Variants in C3orf33 observed in about 807,000 individuals in gnomAD.
C3orf33 encodes AP-1 activity suppressor.
C3orf33 carries 23 observed loss-of-function variants against 28.7 expected under a neutral mutation model. The observed-to-expected ratio is 0.80, with a 90% CI of 0.58 to 1.13. The LOEUF is 1.13. C3orf33 is among the 50% of genes most tolerant of loss of function. C3orf33 has a pLI of 0.00. For synonymous variants in C3orf33, 119 were observed against 120.5 expected (o/e 0.99, Z 0.08); for missense variants, 327 against 353.4 (o/e 0.93, Z 0.60).
intron 2 of C3orf33, among the ~76,000 whole-genome samples, chr3:155,801,954 G>A (rs893961368): frequency 6.6e-6 from 1 of 152,120 alleles, no homozygotes; most frequent in Non-Finnish European, 1.5e-5. Context: ...GTTTCATCAT[G>A]TTGGCCAGGC....
At chr3:155,774,036 G>A (rs906498025) in intron 3 of C3orf33, among the ~76,000 whole-genome samples, 13 of 152,138 alleles carry the variant, frequency 8.5e-5, no homozygotes, top group African/African-American at 2.2e-4. Flanking sequence ...AGTGATATTC[G>A]TTCAACTCGG....
At chr3:155,800,769 G>C (rs1169464403) in intron 2 of C3orf33, among the ~76,000 whole-genome samples, 1 of 151,392 alleles carries the variant, frequency 6.6e-6, no homozygotes, top group South Asian at 2.1e-4. Flanking sequence ...AGGGGCAAAA[G>C]AGCTGAACAG....
chr3:155,794,507 T>A (rs866637747), intron 2 of C3orf33, among the ~76,000 whole-genome samples: 26 of 149,748 alleles, frequency 1.7e-4, no homozygotes, highest in Non-Finnish European at 2.7e-4. Context: ...AAAAAAAAAA[T>A]TTTTTAATGA....
chr3:155,792,508 T>G (rs1751345403), intron 2 of C3orf33, among the ~76,000 whole-genome samples: 1 of 152,132 alleles, frequency 6.6e-6, no homozygotes, highest in African/African-American at 2.4e-5. Flanking sequence ...TCACCAATCC[T>G]GCAGAGACAG....
chr3:155,785,264 G>C, intron 2 of C3orf33, among the ~76,000 whole-genome samples: 1 of 152,066 alleles, frequency 6.6e-6, no homozygotes, highest in East Asian at 1.9e-4. Flanking sequence ...TGCAATAACA[G>C]AGACAACACC....
At chr3:155,788,203 G>T (rs1337964485) in intron 2 of C3orf33, among the ~76,000 whole-genome samples, 1 of 128,426 alleles carries the variant, frequency 7.8e-6, no homozygotes, top group Non-Finnish European at 1.8e-5. Flanking sequence ...AAAAAAAAAG[G>T]ATAAAATAAA....
chr3:155,801,235 C>T (rs550452063), intron 2 of C3orf33, among the ~76,000 whole-genome samples: 2 of 150,084 alleles, frequency 1.3e-5, no homozygotes, highest in African/African-American at 2.5e-5. Context: ...TGCTTGAACC[C>T]AGGAGGTGGA....
chr3:155,773,982 G>A (rs188378704), intron 3 of C3orf33, among the ~76,000 whole-genome samples: 12 of 152,096 alleles, frequency 7.9e-5, no homozygotes, highest in Admixed American at 2.0e-4. Flanking sequence ...TGTTTGGGGG[G>A]GAAAATCAAT....
In C3orf33 at chr3:155,804,124, CG is replaced by C. The variant is rs1751747437; in HGVS notation, c.115-1534del. 6 of 375,762 alleles carry C rather than the reference CG, an allele frequency of 1.6e-5. No individual in the cohort carries two copies. In the Admixed American group the frequency reaches 2.1e-4, roughly 13 times the overall value. The allele number at this position is 375,762 out of a possible 1,614,324, so 23.3% of individuals were successfully genotyped here. ...CTGGGAGGCAGAGGTTGCAGTGAGC[CG>C]AGATCACACCATTGCACTCCAGCCT... On this transcript the variant is annotated intron_variant, in intron 1 of 4. Transcript: ENST00000340171.
intron 2 of C3orf33, among the ~76,000 whole-genome samples, chr3:155,780,058 G>C (rs113888915): frequency 0.024 from 3,638 of 152,336 alleles, 139 homozygotes; most frequent in African/African-American, 0.083. Flanking sequence ...CAGAATATAA[G>C]TGTAGAGCAA....
chr3:155,786,546 G>A (rs979209317), intron 2 of C3orf33, among the ~76,000 whole-genome samples: 1 of 152,014 alleles, frequency 6.6e-6, no homozygotes, highest in Admixed American at 6.6e-5. Flanking sequence ...AAAAAACCAG[G>A]CCAGGCACAG....
Position 155,782,033 on chromosome 3 carries a change from G to A in C3orf33, c.175-6185C>T, listed in dbSNP as rs375573057. Among the ~76,000 whole-genome samples the A allele has an allele frequency of 5.3e-4, 80 of 151,910 alleles. 1 individual carries two copies. The highest frequency in any genetic ancestry group is 1.4e-3 in the Admixed American group (21 of 15,246). On this transcript the variant is annotated intron_variant, in intron 2 of 4. Transcript: ENST00000340171. Reference sequence around the variant, plus strand: ...AGAGGTTGCAGTGAGCCAACATGGCGAAACCCCATCTCTACTAAAAATACA... The same window carrying A: ...AGAGGTTGCAGTGAGCCAACATGGCAAAACCCCATCTCTACTAAAAATACA...
At chr3:155,774,847 C>T (rs1259467802) in intron 3 of C3orf33, among the ~76,000 whole-genome samples, 1 of 152,010 alleles carries the variant, frequency 6.6e-6, no homozygotes, top group Non-Finnish European at 1.5e-5. Flanking sequence ...TCAAAAGCAT[C>T]ATGCTCTTTC....
intron 3 of C3orf33, among the ~76,000 whole-genome samples, chr3:155,771,057 T>TGTGTGTG (rs1750576177): frequency 3.3e-5 from 3 of 89,794 alleles, no homozygotes; most frequent in African/African-American, 5.8e-5. Flanking sequence ...GTGTGTGTGT[T>TGTGTGTG]GAGACATAGT....
chr3:155,769,501 A>AAAG (rs1352968055), intron 3 of C3orf33, among the ~76,000 whole-genome samples: 103 of 149,306 alleles, frequency 6.9e-4, no homozygotes, highest in South Asian at 1.9e-3. Context: ...AAAAAAAAAA[A>AAAG]AAGAAGAAGA....
chr3:155,781,155 G>A (rs997081259), intron 2 of C3orf33, among the ~76,000 whole-genome samples: 5 of 151,198 alleles, frequency 3.3e-5, no homozygotes, highest in African/African-American at 7.4e-5. Context: ...CCGCCACCGC[G>A]CCCGGCTAAT....
In C3orf33 at chr3:155,775,880, C is replaced by CTTA. The variant is rs745885713; in HGVS notation, c.175-35_175-33dup. The CTTA allele has an allele frequency of 6.1e-6, 9 of 1,465,658 alleles. No homozygotes were observed. In the African/African-American group the frequency reaches 9.9e-5, roughly 16 times the overall value. 90.8% of individuals were successfully genotyped at this position (1,465,658 alleles called of 1,614,324 possible). Reference sequence around the variant, plus strand: ...ATTTACAGGGAGAAAAATATAACCACTTATTATTATTGTCATCTCAAAATT... The same window carrying CTTA: ...ATTTACAGGGAGAAAAATATAACCACTTATTATTATTATTGTCATCTCAAAATT... On this transcript the variant is annotated intron_variant, in intron 2 of 4. Transcript: ENST00000340171.
intron 3 of C3orf33, among the ~76,000 whole-genome samples, chr3:155,769,560 C>T (rs759386956): frequency 6.6e-6 from 1 of 150,562 alleles, no homozygotes; most frequent in African/African-American, 2.4e-5. Flanking sequence ...AACTTTGTTA[C>T]AATAATACAC....
chr3:155,793,727 T>C (rs112214308), intron 2 of C3orf33, among the ~76,000 whole-genome samples: 14,461 of 144,764 alleles, frequency 0.1, 950 homozygotes, highest in Middle Eastern at 0.17. Context: ...GGAGAATCTC[T>C]TGAACCTGAG....
Sources: gnomAD v4.1 joint callset for allele counts (sites outside exome capture counted in the v4.1 genomes callset) on GRCh38, gnomAD v4.1.1 for gene constraint, MANE v1.5 for transcripts, NCBI Gene and HGNC (gene_info 2026-07-23, HGNC 2026-07-21) for gene names.